The following TVP23A variants were observed in gnomAD, a reference collection of about 807,000 sequenced individuals.
TVP23A encodes the protein Golgi apparatus membrane protein TVP23 homolog A.
TVP23A carries 21 observed loss-of-function variants against 31.7 expected under a neutral mutation model. The ratio of observed to expected loss-of-function variants is 0.66; its 90% confidence interval spans 0.47 to 0.95. The LOEUF (loss-of-function observed/expected upper bound fraction) is 0.95, where lower values mean the gene tolerates loss of function less well. TVP23A is among the 40% of genes least tolerant of loss of function. TVP23A has a pLI of 0.00. For missense variants in TVP23A, 279 were observed against 255.6 expected (o/e 1.09, Z -0.62); for synonymous variants, 104 against 96.0 (o/e 1.08, Z -0.49).
At chr16:10,815,890 T>C (rs1596591062) in intron 2 of TVP23A, among the ~76,000 whole-genome samples, 2 of 152,210 alleles carry the variant, frequency 1.3e-5, no homozygotes, top group East Asian at 3.8e-4. Flanking sequence ...AAGATAATCA[T>C]TGGCCATTAT....
chr16:10,791,681 C>G (rs2033111263), intron 2 of TVP23A, among the ~76,000 whole-genome samples: 1 of 152,176 alleles, frequency 6.6e-6, no homozygotes, highest in Non-Finnish European at 1.5e-5. Context: ...AATCTTGGCT[C>G]ACTGCAACCT....
At chr16:10,770,003 T>G (rs2031442728) in intron 7 of TVP23A, among the ~76,000 whole-genome samples, 1 of 151,420 alleles carries the variant, frequency 6.6e-6, no homozygotes, top group African/African-American at 2.4e-5. Context: ...CGCCCTTCCC[T>G]AGGACCATAC....
At chr16:10,761,550 C>T in exon 9 of TVP23A, 1 of 1,251,198 alleles carries the variant, frequency 8.0e-7, no homozygotes, top group Non-Finnish European at 1.2e-6. Context: ...GGCTGCTCTG[C>T]AAACTATTTC....
chr16:10,761,060 A>T, downstream of TVP23A: 1 of 282,132 alleles, frequency 3.5e-6, no homozygotes, highest in Non-Finnish European at 6.9e-6. Flanking sequence ...AGGAACTGTC[A>T]AACACTTACA....
At chr16:10,785,124 G>A (rs2032670187) in intron 2 of TVP23A, among the ~76,000 whole-genome samples, 1 of 132,560 alleles carries the variant, frequency 7.5e-6, no homozygotes, top group Non-Finnish European at 1.6e-5. Flanking sequence ...ATAGAGCCAG[G>A]CCGGGCATGG....
chr16:10,804,459 G>A (rs1261620080), intron 2 of TVP23A, among the ~76,000 whole-genome samples: 1 of 152,136 alleles, frequency 6.6e-6, no homozygotes, highest in Non-Finnish European at 1.5e-5. Flanking sequence ...TCCAAAAGAA[G>A]CCAGCAGGCC....
intron 2 of TVP23A, among the ~76,000 whole-genome samples, chr16:10,796,726 C>T (rs925386239): frequency 3.9e-5 from 6 of 152,178 alleles, no homozygotes; most frequent in African/African-American, 1.4e-4. Flanking sequence ...GCGTGAGCCA[C>T]CGCGCCCGGC....
chr16:10,803,331 A>C (rs1567310573), intron 2 of TVP23A, among the ~76,000 whole-genome samples: 1 of 151,012 alleles, frequency 6.6e-6, no homozygotes, highest in Non-Finnish European at 1.5e-5. Context: ...AAACAACAAC[A>C]ACAAAAACAC....
intron 2 of TVP23A, among the ~76,000 whole-genome samples, chr16:10,788,535 A>C (rs2032906149): frequency 6.6e-6 from 1 of 152,154 alleles, no homozygotes; most frequent in Non-Finnish European, 1.5e-5. Context: ...AAGGTACCCG[A>C]AGTCCGGTGG....
At position 10,777,804 on chromosome 16, in the gene TVP23A, G is replaced by C. The variant is rs2032148364; in HGVS notation, c.90-2708C>G. Among the ~76,000 whole-genome samples, 1 of 152,106 alleles carries C rather than the reference G, an allele frequency of 6.6e-6. No homozygotes were observed. The highest frequency in any genetic ancestry group is 2.1e-4 in the South Asian group (1 of 4,814). On this transcript the variant is annotated intron_variant, in intron 2 of 7. Transcript: ENST00000299866. This position sits in a 1 kb window ranked among gnomAD's most constrained non-coding sequence, Gnocchi z 4.5. The stretch of plus-strand genomic sequence containing the variant: ...AGGCAGGTGGATCACGAGGTCAAGA[G>C]ACTGAGACCATCCCTGGCCAACATG...
Position 10,818,500 on chromosome 16 carries a change from C to T in TVP23A, c.-7G>A. 1 of 1,603,870 alleles carries T rather than the reference C, an allele frequency of 6.2e-7. No individual in the cohort carries two copies. On this transcript the variant is annotated 5_prime_UTR_variant, in exon 1 of 8. Transcript: ENST00000299866. The surrounding 1 kb of genome is among the most constrained non-coding windows in gnomAD (Gnocchi z 4.7). Reference sequence around the variant, plus strand: ...GAGGCCCTACCTGCTTCATCACCCTCCCAGGAGCCCACCTGGCGCCCAGGC... The same window carrying T: ...GAGGCCCTACCTGCTTCATCACCCTTCCAGGAGCCCACCTGGCGCCCAGGC...
At position 10,783,825 on chromosome 16, in the gene TVP23A, G is replaced by A. The variant is rs140547886; in HGVS notation, c.90-8729C>T. Among the ~76,000 whole-genome samples the A allele has an allele frequency of 4.7e-4, 72 of 152,278 alleles. No homozygotes were observed. In the East Asian group the frequency reaches 0.012, roughly 26 times the overall value. ...TAAATGTGTATTGCTTAGTGAAAGA[G>A]GTTAATCTGAAAAGGCTGTGTATGG... On this transcript the variant is annotated intron_variant, in intron 2 of 7. Coordinates refer to ENST00000299866, the MANE Select transcript of TVP23A (RefSeq NM_001079512.4).
chr16:10,806,765 G>A (rs543779299), intron 2 of TVP23A, among the ~76,000 whole-genome samples: 1 of 152,306 alleles, frequency 6.6e-6, no homozygotes, highest in African/African-American at 2.4e-5. Flanking sequence ...GCCTTCCAAA[G>A]TGCATGGATT....
At chr16:10,795,492 C>T (rs1214188097) in intron 2 of TVP23A, among the ~76,000 whole-genome samples, 2 of 152,128 alleles carry the variant, frequency 1.3e-5, no homozygotes, top group African/African-American at 2.4e-5. Flanking sequence ...CTCAGGTGAT[C>T]TGCCTGCCTT....
chr16:10,762,763 G>A (rs1187687810), downstream of TVP23A, among the ~76,000 whole-genome samples: 1 of 152,014 alleles, frequency 6.6e-6, no homozygotes, highest in Admixed American at 6.6e-5. Context: ...CAGGAGAGAG[G>A]GGCCGGGCGG....
chr16:10,770,818 C>G (rs2031543719), intron 6 of TVP23A, among the ~76,000 whole-genome samples: 2 of 133,086 alleles, frequency 1.5e-5, no homozygotes, highest in African/African-American at 2.8e-5. Flanking sequence ...TGCAGTGAGC[C>G]AACACATGCC....
downstream of TVP23A, among the ~76,000 whole-genome samples, chr16:10,758,787 G>T (rs544439806): frequency 6.6e-6 from 1 of 152,120 alleles, no homozygotes; most frequent in African/African-American, 2.4e-5. Flanking sequence ...TAGGGATTTC[G>T]GGATAAGCCA....
intron 2 of TVP23A, among the ~76,000 whole-genome samples, chr16:10,795,239 G>C (rs1056470430): frequency 6.7e-6 from 1 of 148,468 alleles, no homozygotes; most frequent in Non-Finnish European, 1.5e-5. Context: ...GCATCCATGA[G>C]TTTATATGAT....
chr16:10,763,217 G>A (rs183283659), downstream of TVP23A, among the ~76,000 whole-genome samples: 211 of 152,172 alleles, frequency 1.4e-3, no homozygotes, highest in Non-Finnish European at 2.2e-3. Context: ...TCTGGGGTCC[G>A]TCAGGAGAAG....
Sources: allele counts gnomAD v4.1 joint callset (sites outside exome capture counted in the v4.1 genomes callset), GRCh38; gene constraint gnomAD v4.1.1; non-coding constraint Gnocchi (gnomAD v3.1); transcripts MANE v1.5; gene names NCBI Gene and HGNC (gene_info 2026-07-23, HGNC 2026-07-21).